The following CLEC12A variants were observed in gnomAD, a reference collection of about 807,000 sequenced individuals.
CLEC12A encodes the protein C-type lectin protein CLL-1.
A neutral mutation model predicts 26.5 loss-of-function variants in CLEC12A; 22 were observed. The ratio of observed to expected loss-of-function variants is 0.83; its 90% confidence interval spans 0.59 to 1.19. The LOEUF (loss-of-function observed/expected upper bound fraction) is 1.19. Among genes scored for constraint, CLEC12A ranks in the 50% most tolerant of loss-of-function variants. The pLI is 0.00. For missense variants in CLEC12A, 353 were observed against 315.6 expected, an observed-to-expected ratio of 1.12 and a Z score of -0.90; for synonymous variants, 119 against 101.9, an observed-to-expected ratio of 1.17 and a Z score of -1.01.
intron 1 of CLEC12A, among the ~76,000 whole-genome samples, chr12:9,956,910 CA>C (rs1389005624): frequency 6.6e-6 from 1 of 152,144 alleles, no homozygotes; most frequent in Non-Finnish European, 1.5e-5. Context: ...TATAAGTTAC[CA>C]GTGGAATTTA....
intron 4 of CLEC12A, chr12:9,991,753 G>A (rs1188527975): frequency 6.6e-6 from 1 of 152,008 alleles, no homozygotes; most frequent in Non-Finnish European, 1.5e-5. Context: ...TATTCTGATC[G>A]ATACTTTATA....
intron 1 of CLEC12A, among the ~76,000 whole-genome samples, chr12:9,956,200 C>A (rs777914358): frequency 2.6e-5 from 4 of 152,184 alleles, no homozygotes; most frequent in Admixed American, 1.3e-4. Flanking sequence ...TAATCTATAT[C>A]TCTCTCCCCT....
chr12:9,971,436 G>A lies in CLEC12A; in HGVS notation c.-161G>A. ...CTCATTTGCAGACATATGGGTGATT[G>A]GTACAGTAGGTTTATAAACAGAAGT... On this transcript the variant is annotated 5_prime_UTR_variant, in exon 1 of 6. An upstream open reading frame in the 5' UTR gains an earlier in-frame stop. Transcript: ENST00000304361. The A allele has an allele frequency of 7.7e-7, 1 of 1,297,446 alleles. No homozygotes were observed. Among genetic ancestry groups the A allele is most frequent in the South Asian group, 2.3e-5 (1 of 43,964 alleles). 80.4% of individuals were successfully genotyped at this position (1,297,446 alleles called of 1,614,324 possible). A position where few individuals can be genotyped will look rare whatever the true frequency, so the allele number is the denominator to read the frequency against.
intron 1 of CLEC12A, among the ~76,000 whole-genome samples, chr12:9,954,500 A>G (rs1337280902): frequency 6.6e-6 from 1 of 152,164 alleles, no homozygotes; most frequent in African/African-American, 2.4e-5. Context: ...TCAAAAAAAA[A>G]AATAATCAAA....
At chr12:9,955,189 C>T (rs917489178) in intron 1 of CLEC12A, among the ~76,000 whole-genome samples, 1 of 152,176 alleles carries the variant, frequency 6.6e-6, no homozygotes, top group African/African-American at 2.4e-5. Context: ...CGGGTTCACG[C>T]CATTCTCCTG....
intron 1 of CLEC12A, among the ~76,000 whole-genome samples, chr12:9,976,664 G>A (rs1184012127): frequency 1.3e-5 from 2 of 152,274 alleles, no homozygotes; most frequent in African/African-American, 4.8e-5. Context: ...TGTTGGGAAG[G>A]CATGATTGGT....
chr12:9,961,491 T>C (rs1018114234), intron 1 of CLEC12A, among the ~76,000 whole-genome samples: 1 of 152,074 alleles, frequency 6.6e-6, no homozygotes, highest in Admixed American at 6.6e-5. Flanking sequence ...ATAAAGCCAA[T>C]CCTAGTCATA....
chr12:9,979,329 T>C lies in CLEC12A; in HGVS notation c.191-7T>C, dbSNP rs1864459307. 1.3e-6 allele frequency: 2 copies of C among 1,563,706 alleles called. No individual in the cohort carries two copies. On this transcript the variant is annotated splice_polypyrimidine_tract_variant and splice_region_variant and intron_variant, in intron 2 of 5. Coordinates refer to ENST00000304361, the MANE Select transcript of CLEC12A (RefSeq NM_138337.6). The stretch of plus-strand genomic sequence containing the variant: ...TTACAATTTTTTGTCATTTTTTTAA[T>C]GTGGAGTTCACGTAACTTTGAAGAT...
At chr12:9,997,043 G>A, downstream of CLEC12A, 1 of 1,610,020 alleles carries the variant, frequency 6.2e-7, no homozygotes, top group Non-Finnish European at 8.5e-7. Flanking sequence ...TTTCTAAATT[G>A]GGCTTACATT....
At chr12:9,971,874 T>A (rs975336076) in intron 1 of CLEC12A, among the ~76,000 whole-genome samples, 187 bp downstream of exon 1, 4 of 152,204 alleles carry the variant, frequency 2.6e-5, no homozygotes, top group African/African-American at 7.2e-5. Flanking sequence ...TAAAAACACT[T>A]ATCTCTGCAT....
chr12:9,984,810 T>C, intron 5 of CLEC12A, 60 bp from the exon 6 acceptor site: 1 of 1,357,390 alleles, frequency 7.4e-7, no homozygotes, highest in African/African-American at 1.5e-5. Context: ...AATTTTTTTT[T>C]CTGTGAATAT....
At chr12:9,995,668 G>A (rs1187384926) in exon 5 of CLEC12A, 1 of 222,222 alleles carries the variant, frequency 4.5e-6, no homozygotes, top group African/African-American at 2.4e-5. Flanking sequence ...TGCTCAGCTT[G>A]CCTATAAAAT....
At chr12:9,992,263 A>G (rs1864910607) in intron 4 of CLEC12A, 1 of 152,150 alleles carries the variant, frequency 6.6e-6, no homozygotes, top group African/African-American at 2.4e-5. Flanking sequence ...CTGAAACTTA[A>G]GAAGCATTTA....
chr12:10,002,492 G>C, the CLEC12A span, among the ~76,000 whole-genome samples: 6 of 37,830 alleles, frequency 1.6e-4, no homozygotes, highest in South Asian at 2.6e-3. Context: ...GCCCAGGCTG[G>C]AGTGCAGTGG....
In CLEC12A at chr12:9,963,745, C is replaced by T. The variant is rs894089227; in HGVS notation, c.11-7832C>T. On this transcript the variant is annotated intron_variant, in intron 1 of 6. Transcript: ENST00000355690. ...CCACAGAGGAAGAAGAGACCTTGTG[C>T]GAGGCAAAACTGGAGAAGCAAAGTA... Among the ~76,000 whole-genome samples, 14 of 152,060 alleles carry T rather than the reference C, an allele frequency of 9.2e-5. 1 individual carries two copies. In the South Asian group the frequency reaches 1.0e-3, roughly 11 times the overall value.
chr12:10,004,464 AACGGCCAAACT>A, the CLEC12A span, among the ~76,000 whole-genome samples: 1 of 152,026 alleles, frequency 6.6e-6, no homozygotes, highest in Non-Finnish European at 1.5e-5. Flanking sequence ...TTGGCCATCC[AACGGCCAAACT>A]ACTCTCTGAC....
intron 4 of CLEC12A, 37 bp from the exon 5 acceptor site, chr12:9,981,983 G>C: frequency 9.7e-7 from 1 of 1,034,254 alleles, no homozygotes; most frequent in Non-Finnish European, 1.5e-6. Flanking sequence ...AAAAGTAGGA[G>C]ACTGTTTCTT....
chr12:9,952,386 G>A (rs1447492139), intron 1 of CLEC12A, among the ~76,000 whole-genome samples: 21 of 150,344 alleles, frequency 1.4e-4, no homozygotes, highest in African/African-American at 3.2e-4. Context: ...TGTGTTGGCC[G>A]GGCCGGTCTC....
At chr12:9,980,471 G>T in intron 3 of CLEC12A, 111 bp from the exon 4 acceptor site, 5 of 1,073,786 alleles carry the variant, frequency 4.7e-6, no homozygotes, top group Non-Finnish European at 6.6e-6. Context: ...GAAAGAAAAA[G>T]AAAGAAGAAT....
Sources: gnomAD v4.1 joint callset for allele counts (sites outside exome capture counted in the v4.1 genomes callset) on GRCh38, gnomAD v4.1.1 for gene constraint, MANE v1.5 for transcripts, NCBI Gene and HGNC (gene_info 2026-07-23, HGNC 2026-07-21) for gene names.